CSMD2: variants seen among roughly 807,000 people sequenced by gnomAD.
CSMD2 encodes the protein CUB and sushi domain-containing protein 2.
In CSMD2, 130 loss-of-function variants were observed where a neutral mutation model predicts 398.5. That is an observed-to-expected ratio of 0.33 (90% CI 0.28 to 0.38). The LOEUF is 0.38. Ranked by LOEUF, CSMD2 falls within the 10% of genes least tolerant of loss-of-function variation. The pLI is 1.00. For synonymous variants in CSMD2, 1,828 were observed against 1,908.5 expected, an observed-to-expected ratio of 0.96 and a Z score of 1.10; for missense variants, 3,829 against 4,764.9, an observed-to-expected ratio of 0.80 and a Z score of 5.78.
At chr1:33,796,986 C>A (rs370060215) in intron 10 of CSMD2, among the ~76,000 whole-genome samples, 2 of 152,150 alleles carry the variant, frequency 1.3e-5, no homozygotes, top group East Asian at 1.9e-4. Context: ...GCGAAAAAAA[C>A]CCACCCTGGT....
intron 56 of CSMD2, among the ~76,000 whole-genome samples, chr1:33,548,404 A>G (rs962078740): frequency 6.6e-6 from 1 of 152,138 alleles, no homozygotes; most frequent in African/African-American, 2.4e-5. Flanking sequence ...GACAGTGGAG[A>G]TGTGGGTGGT....
At chr1:33,571,804 G>T in intron 50 of CSMD2, 78 bp from the exon 51 acceptor site, 1 of 1,084,328 alleles carries the variant, frequency 9.2e-7, no homozygotes, top group Non-Finnish European at 1.2e-6. Flanking sequence ...CAGATCTAGG[G>T]ACTTGGAGAC....
chr1:33,543,633 T>C (rs1301022349), intron 57 of CSMD2, among the ~76,000 whole-genome samples: 1 of 152,264 alleles, frequency 6.6e-6, no homozygotes, highest in African/African-American at 2.4e-5. Flanking sequence ...AAGTTTTTCA[T>C]TTAATAGTTT....
chr1:34,003,205 G>A (rs1646954357), intron 3 of CSMD2, among the ~76,000 whole-genome samples: 1 of 152,032 alleles, frequency 6.6e-6, no homozygotes, highest in Non-Finnish European at 1.5e-5. Flanking sequence ...AGCTGGAGGA[G>A]TATTATCCCA....
At chr1:33,570,810 C>T (rs1246154430) in intron 51 of CSMD2, among the ~76,000 whole-genome samples, 2 of 152,126 alleles carry the variant, frequency 1.3e-5, no homozygotes, top group Non-Finnish European at 2.9e-5. Context: ...ATAACAGTTC[C>T]CTTGCTCCAA....
chr1:34,023,220 ATC>A (rs1005558344), intron 3 of CSMD2, among the ~76,000 whole-genome samples: 8 of 152,146 alleles, frequency 5.3e-5, no homozygotes, highest in Non-Finnish European at 1.0e-4. Flanking sequence ...CATCCAATGA[ATC>A]TCTGAATCTT....
chr1:33,720,402 T>C (rs1413942044), intron 19 of CSMD2, among the ~76,000 whole-genome samples: 1 of 152,036 alleles, frequency 6.6e-6, no homozygotes, highest in Non-Finnish European at 1.5e-5. Flanking sequence ...CCAACCTAGA[T>C]GCAGAGCTGG....
intron 6 of CSMD2, among the ~76,000 whole-genome samples, chr1:33,840,340 C>G (rs10798998): frequency 0.28 from 42,262 of 152,102 alleles, 6,686 homozygotes; most frequent in South Asian, 0.46. Flanking sequence ...CTCCCCTTCT[C>G]TGCCTGGCTA....
chr1:34,142,923 A>C (rs1639437858), intron 1 of CSMD2, among the ~76,000 whole-genome samples: 1 of 151,984 alleles, frequency 6.6e-6, no homozygotes, highest in African/African-American at 2.4e-5. Context: ...CCACTGCTGG[A>C]CTCTATCTAG....
At chr1:33,622,685 C>T (rs1233538160) in intron 36 of CSMD2, among the ~76,000 whole-genome samples, 1 of 152,214 alleles carries the variant, frequency 6.6e-6, no homozygotes, top group Non-Finnish European at 1.5e-5. Flanking sequence ...CAGATAATTG[C>T]CCTGGCCACT....
chr1:33,960,740 T>G (rs1278722254), intron 3 of CSMD2, among the ~76,000 whole-genome samples: 1 of 152,204 alleles, frequency 6.6e-6, no homozygotes, highest in Non-Finnish European at 1.5e-5. Flanking sequence ...GCTAACAGGA[T>G]CTCTCTGGGG....
intron 1 of CSMD2, among the ~76,000 whole-genome samples, chr1:34,156,237 C>A (rs1329763503): frequency 6.6e-6 from 1 of 152,192 alleles, no homozygotes. Flanking sequence ...AATCACTGAA[C>A]TCTCTCCATT....
intron 5 of CSMD2, among the ~76,000 whole-genome samples, chr1:33,892,987 T>C (rs373962444): frequency 6.6e-6 from 1 of 152,118 alleles, no homozygotes; most frequent in African/African-American, 2.4e-5. Flanking sequence ...GGTGAAAGGG[T>C]TCATGTTATC....
intron 6 of CSMD2, among the ~76,000 whole-genome samples, chr1:33,841,064 T>C (rs538678473): frequency 1.8e-4 from 28 of 152,306 alleles, no homozygotes; most frequent in South Asian, 1.2e-3. Context: ...CTGCAGACAA[T>C]TGAAACTCAG....
chr1:34,094,919 TC>T (rs1659099544), intron 1 of CSMD2, among the ~76,000 whole-genome samples: 1 of 147,816 alleles, frequency 6.8e-6, no homozygotes, highest in Non-Finnish European at 1.5e-5. Context: ...CTAATAGACA[TC>T]TACAGAACTC....
intron 24 of CSMD2, among the ~76,000 whole-genome samples, chr1:33,696,633 C>T (rs961093223): frequency 4.6e-5 from 7 of 152,088 alleles, no homozygotes; most frequent in African/African-American, 1.7e-4. Context: ...CTTCCATATT[C>T]CAGACAGAGA....
chr1:33,527,118 A>G, intron 65 of CSMD2, 78 bp downstream of exon 65: 1 of 1,326,208 alleles, frequency 7.5e-7, no homozygotes, highest in South Asian at 1.2e-5. Context: ...AGCAACTCTC[A>G]GCAACACGAG....
Position 33,601,011 on chromosome 1 carries a change from C to T in CSMD2, c.6711-1G>A. The T allele has an allele frequency of 6.2e-7, 1 of 1,614,158 alleles. No individual in the cohort carries two copies. The highest frequency in any genetic ancestry group is 1.7e-5 in the Admixed American group (1 of 60,024). ...TGGTGCTGTTTGCTGTGGCCCATCC[C>T]TGTACACAGGAAACAAGGTCCTGGC... On this transcript the variant is annotated splice_acceptor_variant, in intron 43 of 70. Transcript: ENST00000373381. LOFTEE classifies it high-confidence loss of function.
At chr1:33,766,200 T>C (rs1360357000) in intron 13 of CSMD2, among the ~76,000 whole-genome samples, 3 of 152,106 alleles carry the variant, frequency 2.0e-5, no homozygotes, top group East Asian at 3.9e-4. Flanking sequence ...TGTGTGTGGG[T>C]GTTTATGTGT....
Sources: gnomAD v4.1 joint callset for allele counts (sites outside exome capture counted in the v4.1 genomes callset) on GRCh38, gnomAD v4.1.1 for gene constraint, MANE v1.5 for transcripts, NCBI Gene and HGNC (gene_info 2026-07-23, HGNC 2026-07-21) for gene names.